BRD2: variants seen among roughly 807,000 people sequenced by gnomAD.
BRD2 encodes the protein bromodomain containing 2, also known as bromodomain-containing protein 2.
In BRD2, 15 loss-of-function variants were observed where a neutral mutation model predicts 79.1. That is an observed-to-expected ratio of 0.19 (90% CI 0.13 to 0.29). BRD2 has a LOEUF of 0.29. Among genes scored for constraint, BRD2 ranks in the 10% least tolerant of loss-of-function variants. The pLI, the probability that BRD2 is intolerant of heterozygous loss-of-function variation, is 1.00. For synonymous variants in BRD2, 488 were observed against 358.6 expected (o/e 1.36, Z -4.08); for missense variants, 1,053 against 991.3 (o/e 1.06, Z -0.84).
rs774855799 is a variant in BRD2, at chr6:32,974,722, G to T, written c.290G>T (p.Trp97Leu). 6.2e-7 allele frequency: 1 copy of T among 1,614,128 alleles called. No individual in the cohort carries two copies. Among genetic ancestry groups the T allele is most frequent in the South Asian group, 1.1e-5 (1 of 91,084 alleles). The change falls in exon 3 of 13, where the codon TGG (tryptophan) becomes TTG (leucine). Residue 97 changes from tryptophan to leucine, a missense_variant. Physicochemically the swap from Trp to Leu is moderately conservative, Grantham distance 61 (BLOSUM62 -2). Transcript: ENST00000374825. ...GCTCTGTGGAAACATCAGTTCGCAT[G>T]GCCATTCCGGCAGCCTGTGGATGCT... ...MKALWKHQFA[W>L]PFRQPVDAVK...
rs998096391 is a variant in BRD2 at position 32,972,093 on chromosome 6, C to G, written c.-806C>G. 2.9e-6 allele frequency: 2 copies of G among 693,760 alleles called. No homozygotes were observed. The highest frequency in any genetic ancestry group is 5.3e-6 in the Non-Finnish European group (2 of 380,358). The allele number at this position is 693,760 out of a possible 1,614,324, so 43.0% of individuals were successfully genotyped here. ...TTCTTCACCCGCGTGAGCGAGCGCGCGCGCGCGGAGGGGGTGGGGAAAAGC... is the reference window on the plus strand; with the variant it reads ...TTCTTCACCCGCGTGAGCGAGCGCGGGCGCGCGGAGGGGGTGGGGAAAAGC... On this transcript the variant is annotated 5_prime_UTR_variant, in exon 2 of 13. Transcript: ENST00000374825.
chr6:32,969,904 A>T (rs1777791236), intron 1 of BRD2, among the ~76,000 whole-genome samples: 1 of 152,166 alleles, frequency 6.6e-6, no homozygotes, highest in Non-Finnish European at 1.5e-5. Flanking sequence ...AGTCCTGAAC[A>T]GTTCTCTCCT....
intron 3 of BRD2, chr6:32,975,017 A>G (rs1778540492): frequency 6.5e-7 from 1 of 1,527,940 alleles, no homozygotes; most frequent in South Asian, 1.2e-5. Context: ...GCTCCATTTT[A>G]CAGATTCCCA....
Position 32,977,947 on chromosome 6 carries a change from G to A in BRD2, c.1520G>A (p.Ser507Asn). Residue 507 changes from serine (S) to asparagine (N), a missense_variant, in exon 9 of 13, where the codon AGT becomes AAT. Ser to Asn is a conservative substitution (Grantham distance 46). Transcript: ENST00000374825. ...EDEEDEEEEESESSDSEEERA... is the reference protein window; with the variant it reads ...EDEEDEEEEENESSDSEEERA... Reference sequence around the variant, plus strand: ...GAGGAGGACGAGGAGGAAGAAGAGAGTGAAAGCTCAGACTCAGAGGAAGAA... The same window carrying A: ...GAGGAGGACGAGGAGGAAGAAGAGAATGAAAGCTCAGACTCAGAGGAAGAA... 6.2e-7 allele frequency: 1 copy of A among 1,612,612 alleles called. No individual in the cohort carries two copies. Among genetic ancestry groups the A allele is most frequent in the Non-Finnish European group, 8.5e-7 (1 of 1,180,020 alleles).
chr6:32,975,414 G>T lies in BRD2; in HGVS notation c.364G>T (p.Asp122Tyr). Reference sequence around the variant, plus strand: ...TCACAAAATTATAAAACAGCCTATGGACATGGGTACTATTAAGAGGAGACT... The same window carrying T: ...TCACAAAATTATAAAACAGCCTATGTACATGGGTACTATTAAGAGGAGACT... ...DYHKIIKQPM[D>Y]MGTIKRRLEN... The change falls in exon 4 of 13, where the codon GAC (aspartate) becomes TAC (tyrosine). Residue 122 changes from aspartate (D) to tyrosine (Y), a missense_variant. Physicochemically the swap from Asp to Tyr is radical, Grantham distance 160. Transcript: ENST00000374825. The T allele has an allele frequency of 6.2e-7, 1 of 1,609,502 alleles. No individual in the cohort carries two copies. Among genetic ancestry groups the T allele is most frequent in the Non-Finnish European group, 8.5e-7 (1 of 1,177,066 alleles).
At position 32,976,057 on chromosome 6, in the gene BRD2, A is replaced by G. The variant is rs762194571; in HGVS notation, c.498A>G (p.Ala166=). ...NKPTDDIVLM[A]QTLEKIFLQK... is the part of the protein sequence containing the mutation. ...CCACTGATGATATTGTCCTAATGGC[A>G]CAAACGCTGGAAAAGATATTCCTAC... is the stretch of plus-strand genomic sequence containing the variant. The change falls in exon 5 of 13, where the codon GCA becomes GCG. Residue 166 remains alanine (A), a synonymous_variant. Transcript: ENST00000374825. 6.2e-7 allele frequency: 1 copy of G among 1,611,624 alleles called. No individual in the cohort carries two copies. Among genetic ancestry groups the G allele is most frequent in the Admixed American group, 1.7e-5 (1 of 59,672 alleles).
chr6:32,972,968 GGGC>G, intron 2 of BRD2, 41 bp downstream of exon 2: 1 of 1,614,004 alleles, frequency 6.2e-7, no homozygotes, highest in Non-Finnish European at 8.5e-7. Flanking sequence ...GGATGTTGCA[GGGC>G]GGCGGCACAG....
Position 32,972,431 on chromosome 6 carries a change from A to G in BRD2, c.-468A>G. 3.5e-6 allele frequency: 1 copy of G among 289,298 alleles called. No individual in the cohort carries two copies. The highest frequency in any genetic ancestry group is 6.7e-6 in the Non-Finnish European group (1 of 150,020). 17.9% of individuals were successfully genotyped at this position (289,298 alleles called of 1,614,324 possible). A position where few individuals can be genotyped will look rare whatever the true frequency, so the allele number is the denominator to read the frequency against. On this transcript the variant is annotated 5_prime_UTR_variant, in exon 2 of 13. Transcript: ENST00000374825. ...TCCTCGGAGTCTGTCCACCCCCTCT[A>G]CTCCGCCCTCAAGAGGATTTCAAAG...
intron 10 of BRD2, 79 bp from the exon 11 acceptor site, chr6:32,979,749 A>G: frequency 6.7e-7 from 1 of 1,485,940 alleles, no homozygotes; most frequent in South Asian, 1.3e-5. Context: ...AGGAAATAGG[A>G]TCACTGAATT....
At position 32,971,790 on chromosome 6, in the gene BRD2, G is replaced by A; in HGVS notation, c.-1109G>A. On this transcript the variant is annotated 5_prime_UTR_variant, in exon 2 of 13. Transcript: ENST00000374825. The stretch of plus-strand genomic sequence containing the variant: ...AGTTGGGCTGTGCATGGAAGCTTGG[G>A]AAGACTTTGTTGGAAGGGGAGGCGG... 1 of 630,980 alleles carries A rather than the reference G, an allele frequency of 1.6e-6. No individual in the cohort carries two copies. The highest frequency in any genetic ancestry group is 2.8e-6 in the Non-Finnish European group (1 of 352,656). The allele number at this position is 630,980 out of a possible 1,614,324, so 39.1% of individuals were successfully genotyped here.
intron 1 of BRD2, chr6:32,971,296 T>C (rs1777943190): frequency 3.3e-6 from 1 of 299,758 alleles, no homozygotes; most frequent in South Asian, 1.5e-4. Context: ...CAGAAATGTA[T>C]TGGTAACTGT....
At chr6:32,974,946 T>G in intron 3 of BRD2, 181 bp downstream of exon 3, 1 of 1,422,512 alleles carries the variant, frequency 7.0e-7, no homozygotes, top group Admixed American at 2.0e-5. Context: ...CCGCTTGCTG[T>G]AACTATCTTG....
In BRD2 at chr6:32,977,831, C is replaced by A. The variant is rs138688346; in HGVS notation, c.1404C>A (p.Ala468=). ...CAGGGCCTTTACCAGTCTCTACTGC[C>A]ATGCCCCCTGGCTTGGCCAAATCGT... is the stretch of plus-strand genomic sequence containing the variant. The part of the protein sequence containing the change: ...LEPGPLPVST[A]MPPGLAKSSS... Residue 468 remains alanine (A), a synonymous_variant, in exon 9 of 13, where the codon GCC becomes GCA. Transcript: ENST00000374825. The A allele has an allele frequency of 1.2e-6, 2 of 1,612,990 alleles. No homozygotes were observed. The highest frequency in any genetic ancestry group is 1.7e-6 in the Non-Finnish European group (2 of 1,180,052).
Position 32,976,484 on chromosome 6 carries a change from T to TCC in BRD2, c.825+21_825+22insCC. Reference sequence around the variant, plus strand: ...GCCAAGGTATGATCTGTGGATTTCCTCTGGGCAGCAGGGAGGCAAGGGTCT... The same window carrying TCC: ...GCCAAGGTATGATCTGTGGATTTCCTCCCTGGGCAGCAGGGAGGCAAGGGTCT... On this transcript the variant is annotated intron_variant, in intron 6 of 12. Coordinates refer to ENST00000374825, the MANE Select transcript of BRD2 (RefSeq NM_005104.4). 1 of 1,605,640 alleles carries TCC rather than the reference T, an allele frequency of 6.2e-7. No individual in the cohort carries two copies. Among genetic ancestry groups the TCC allele is most frequent in the Non-Finnish European group, 8.5e-7 (1 of 1,179,066 alleles).
intron 7 of BRD2, 59 bp downstream of exon 7, chr6:32,976,995 ACAAT>A: frequency 6.5e-7 from 1 of 1,538,898 alleles, no homozygotes; most frequent in Non-Finnish European, 8.7e-7. Flanking sequence ...TAGGTGCAAA[ACAAT>A]AAGTCTCCTT....
rs1378185864 is a variant in BRD2, at chr6:32,981,353, G to A, written c.*635G>A. 6.6e-6 allele frequency: 1 copy of A among 152,134 alleles called. No homozygotes were observed. Among genetic ancestry groups the A allele is most frequent in the Non-Finnish European group, 1.5e-5 (1 of 68,024 alleles). The allele number at this position is 152,134 out of a possible 1,614,324, so 9.4% of individuals were successfully genotyped here. On this transcript the variant is annotated 3_prime_UTR_variant, in exon 13 of 13. Coordinates refer to ENST00000374825, the MANE Select transcript of BRD2 (RefSeq NM_005104.4). ...TATTTGCTTTTGTAGTGTTTCAAAA[G>A]GAACATCATAAGAATTGTCTTGATA...
Position 32,976,914 on chromosome 6 carries a change from C to G in BRD2, c.1178C>G (p.Pro393Arg). The part of the protein sequence containing the change: ...LHDYHDIIKH[P>R]MDLSTVKRKM... ...GACTACCATGACATCATTAAGCACC[C>G]CATGGACCTCAGCACTGTCAAGGTA... Residue 393 changes from proline (P) to arginine (R), a missense_variant, in exon 7 of 13, where the codon CCC becomes CGC. Coordinates refer to ENST00000374825, the MANE Select transcript of BRD2 (RefSeq NM_005104.4). The G allele has an allele frequency of 6.2e-7, 1 of 1,611,944 alleles. No individual in the cohort carries two copies.
In BRD2 at chr6:32,970,423, C is replaced by T. The variant is rs556057143; in HGVS notation, c.-1304-1172C>T. Reference sequence around the variant, plus strand: ...AGGAGATTGGCGGCCATTTTAGACGCAGTAACCGAGGTTGGAGTTGAAGGG... The same window carrying T: ...AGGAGATTGGCGGCCATTTTAGACGTAGTAACCGAGGTTGGAGTTGAAGGG... On this transcript the variant is annotated intron_variant, in intron 1 of 12. Coordinates refer to ENST00000374825, the MANE Select transcript of BRD2 (RefSeq NM_005104.4). 3 of 152,706 alleles carry T rather than the reference C, an allele frequency of 2.0e-5. No homozygotes were observed. The East Asian group carries it at 5.8e-4, about 29-fold the overall frequency. The allele number at this position is 152,706 out of a possible 1,614,324, so 9.5% of individuals were successfully genotyped here.
intron 2 of BRD2, among the ~76,000 whole-genome samples, chr6:32,974,012 T>C (rs1175370394): frequency 6.6e-6 from 1 of 152,190 alleles, no homozygotes; most frequent in Non-Finnish European, 1.5e-5. Context: ...TATGGAATTT[T>C]TTATAGCCAT....
Sources: allele counts gnomAD v4.1 joint callset (sites outside exome capture counted in the v4.1 genomes callset), GRCh38; gene constraint gnomAD v4.1.1; transcripts MANE v1.5; gene names NCBI Gene and HGNC (gene_info 2026-07-23, HGNC 2026-07-21).